Variants in MAD1L1 observed in about 807,000 individuals in gnomAD.
The protein encoded by MAD1L1 is mitotic arrest deficient 1 like 1.
A neutral mutation model predicts 96.9 loss-of-function variants in MAD1L1; 95 were observed. That is an observed-to-expected ratio of 0.98 (90% CI 0.83 to 1.16). The LOEUF (loss-of-function observed/expected upper bound fraction) is 1.16, where lower values mean the gene tolerates loss of function less well. Ranked by LOEUF, MAD1L1 falls within the 50% of genes most tolerant of loss-of-function variation. MAD1L1 has a pLI of 0.00. For missense variants in MAD1L1, 1,007 were observed against 954.4 expected, an observed-to-expected ratio of 1.06 and a Z score of -0.73; for synonymous variants, 473 against 396.6, an observed-to-expected ratio of 1.19 and a Z score of -2.29.
Position 2,221,762 on chromosome 7 carries a change from C to T in MAD1L1, c.471+813G>A, listed in dbSNP as rs531326157. Among the ~76,000 whole-genome samples, 4 of 152,316 alleles carry T rather than the reference C, an allele frequency of 2.6e-5. No individual in the cohort carries two copies. In the East Asian group the frequency reaches 7.7e-4, roughly 29 times the overall value. ...TCAAAGATATGCAAATCCAGACGTG[C>T]CTCCTTAAGCCTCCTGACAAAACAA... On this transcript the variant is annotated intron_variant, in intron 5 of 18. Transcript: ENST00000265854.
At chr7:1,953,212 G>A (rs1485597860) in intron 16 of MAD1L1, among the ~76,000 whole-genome samples, 1 of 152,192 alleles carries the variant, frequency 6.6e-6, no homozygotes, top group African/African-American at 2.4e-5. Flanking sequence ...TGGTGCAGAC[G>A]GGAGCAGAAC....
At chr7:1,901,071 C>A (rs1039041648) in intron 17 of MAD1L1, among the ~76,000 whole-genome samples, 2 of 152,146 alleles carry the variant, frequency 1.3e-5, no homozygotes, top group Non-Finnish European at 2.9e-5. Flanking sequence ...GCCACACAGA[C>A]CCTCGGAGGT....
At chr7:1,985,371 G>A (rs1276757786) in intron 14 of MAD1L1, among the ~76,000 whole-genome samples, 1 of 152,234 alleles carries the variant, frequency 6.6e-6, no homozygotes, top group African/African-American at 2.4e-5. Context: ...AGAGCGGACT[G>A]GGCACAGCAC....
chr7:1,911,349 G>A (rs184867325), intron 17 of MAD1L1, among the ~76,000 whole-genome samples: 6 of 152,170 alleles, frequency 3.9e-5, no homozygotes, highest in Non-Finnish European at 7.4e-5. Context: ...TTCTTTTGAC[G>A]CAGAGCCCAG....
intron 11 of MAD1L1, among the ~76,000 whole-genome samples, chr7:2,094,836 T>C (rs1786400251): frequency 6.6e-6 from 1 of 152,052 alleles, no homozygotes; most frequent in South Asian, 2.1e-4. Flanking sequence ...CGATGGGAAC[T>C]GGGTGGGAGT....
chr7:1,827,307 A>G (rs997872156), intron 18 of MAD1L1, among the ~76,000 whole-genome samples: 4 of 152,228 alleles, frequency 2.6e-5, no homozygotes, highest in African/African-American at 9.6e-5. Context: ...AAGGGGACGC[A>G]GCGGGCAGGG....
intron 12 of MAD1L1, among the ~76,000 whole-genome samples, chr7:2,064,595 C>T (rs748142667): frequency 2.4e-4 from 36 of 151,934 alleles, no homozygotes; most frequent in Non-Finnish European, 4.3e-4. Flanking sequence ...TGGCTTCTCC[C>T]GGGAATGTGG....
In MAD1L1 at chr7:2,220,885, G is replaced by T. The variant is rs761506376; in HGVS notation, c.472-1429C>A. ...CTTCCGAACTCAATTAATACGCACCGTGTGCCAGGGGCAAGGCCAGATGCA... is the reference window on the plus strand; with the variant it reads ...CTTCCGAACTCAATTAATACGCACCTTGTGCCAGGGGCAAGGCCAGATGCA... On this transcript the variant is annotated intron_variant, in intron 5 of 18. Transcript: ENST00000265854. The T allele has an allele frequency of 1.7e-5, 28 of 1,609,194 alleles. No individual in the cohort carries two copies. In the African/African-American group the frequency reaches 2.7e-4, roughly 15 times the overall value.
chr7:2,040,401 T>G (rs1028711420), intron 12 of MAD1L1, among the ~76,000 whole-genome samples: 10 of 152,214 alleles, frequency 6.6e-5, no homozygotes, highest in Non-Finnish European at 1.5e-4. Flanking sequence ...TTCCATCGTA[T>G]TCCCAGGTCT....
intron 10 of MAD1L1, among the ~76,000 whole-genome samples, chr7:2,185,132 C>T (rs868742507): frequency 3.9e-5 from 6 of 152,138 alleles, no homozygotes; most frequent in Non-Finnish European, 7.3e-5. Context: ...GAGATGCCGG[C>T]GTACAAACTT....
At position 1,983,167 on chromosome 7, in the gene MAD1L1, C is replaced by A. The variant is rs930137101; in HGVS notation, c.1417-2626G>T. Among the ~76,000 whole-genome samples, 6 of 129,268 alleles carry A rather than the reference C, an allele frequency of 4.6e-5. No individual in the cohort carries two copies. The South Asian group carries it at 1.3e-3, about 28-fold the overall frequency. 84.8% of individuals were successfully genotyped at this position (129,268 alleles called of 152,430 possible). ...GCGCGCGCGCGCGCACACACACACA[C>A]ACACACACACACACACACACAGGCT... On this transcript the variant is annotated intron_variant, in intron 14 of 18. Coordinates refer to ENST00000265854, the MANE Select transcript of MAD1L1 (RefSeq NM_001013836.2).
intron 10 of MAD1L1, among the ~76,000 whole-genome samples, chr7:2,211,094 T>C (rs1792921828): frequency 6.6e-6 from 1 of 152,188 alleles, no homozygotes; most frequent in East Asian, 1.9e-4. Flanking sequence ...TCATCAAAGC[T>C]GCAGGGCGCC....
chr7:2,217,196 C>T (rs142796548), intron 7 of MAD1L1, among the ~76,000 whole-genome samples: 2 of 152,358 alleles, frequency 1.3e-5, no homozygotes, highest in Non-Finnish European at 2.9e-5. Flanking sequence ...CCTACGGTAC[C>T]CAGTCCCCTT....
chr7:2,163,959 G>C (rs1049994730), intron 10 of MAD1L1, among the ~76,000 whole-genome samples: 1 of 152,070 alleles, frequency 6.6e-6, no homozygotes, highest in African/African-American at 2.4e-5. Context: ...TAACACCTTA[G>C]TGTCTGCAGT....
At chr7:1,819,786 C>T (rs1315844266) in intron 18 of MAD1L1, among the ~76,000 whole-genome samples, 1 of 152,048 alleles carries the variant, frequency 6.6e-6, no homozygotes, top group Non-Finnish European at 1.5e-5. Flanking sequence ...ACCACTTTCT[C>T]CACACACCAC....
intron 10 of MAD1L1, among the ~76,000 whole-genome samples, chr7:2,186,063 G>A (rs1024695188): frequency 2.6e-5 from 4 of 152,156 alleles, no homozygotes; most frequent in Admixed American, 1.3e-4. Flanking sequence ...GGCAAAAATC[G>A]GAAACACTAA....
intron 17 of MAD1L1, among the ~76,000 whole-genome samples, chr7:1,925,376 C>G (rs974130276): frequency 2.0e-5 from 3 of 152,192 alleles, no homozygotes; most frequent in African/African-American, 7.2e-5. Context: ...AGTCTATTGG[C>G]GGCGCTATCA....
rs912898245 is a variant in MAD1L1, at chr7:2,142,918, C to G, written c.1073+6234G>C. On this transcript the variant is annotated intron_variant, in intron 11 of 18. Coordinates refer to ENST00000265854, the MANE Select transcript of MAD1L1 (RefSeq NM_001013836.2). This position sits in a 1 kb window ranked among gnomAD's most constrained non-coding sequence, Gnocchi z 4.7. ...GGCAAATTCCGTCACCTTGACCTCC[C>G]AGATGCCCCCACCGCCTAACCCGTC... Among the ~76,000 whole-genome samples, 2 of 152,172 alleles carry G rather than the reference C, an allele frequency of 1.3e-5. No individual in the cohort carries two copies. The highest frequency in any genetic ancestry group is 2.9e-5 in the Non-Finnish European group (2 of 68,030).
intron 10 of MAD1L1, among the ~76,000 whole-genome samples, chr7:2,207,163 T>A (rs1464589562): frequency 6.6e-6 from 1 of 151,834 alleles, no homozygotes; most frequent in Non-Finnish European, 1.5e-5. Flanking sequence ...AATATTTGGG[T>A]CAATTTGAGC....
Sources: gnomAD v4.1 joint callset for allele counts (sites outside exome capture counted in the v4.1 genomes callset) on GRCh38, gnomAD v4.1.1 for gene constraint, Gnocchi (gnomAD v3.1) non-coding constraint, MANE v1.5 for transcripts, NCBI Gene and HGNC (gene_info 2026-07-23, HGNC 2026-07-21) for gene names.